MMP8: variants seen among roughly 807,000 people sequenced by gnomAD.
MMP8 encodes neutrophil collagenase.
Under a neutral mutation model 51.2 loss-of-function variants are expected in MMP8, and 67 were observed. The ratio of observed to expected loss-of-function variants is 1.31; its 90% CI spans 1.08 to 1.60. The LOEUF (loss-of-function observed/expected upper bound fraction) is 1.60, where lower values mean the gene tolerates loss of function less well. Ranked by LOEUF, MMP8 falls within the 40% of genes most tolerant of loss-of-function variation. MMP8 has a pLI of 0.00. For synonymous variants in MMP8, 225 were observed against 191.0 expected (o/e 1.18, Z -1.47); for missense variants, 654 against 558.1 (o/e 1.17, Z -1.73).
chr11:102,713,968 A>G (rs930224454), intron 8 of MMP8, 111 bp from the exon 9 acceptor site: 3 of 634,126 alleles, frequency 4.7e-6, no homozygotes, highest in African/African-American at 3.8e-5. Context: ...TTTTTCATTC[A>G]GTTCTCACAA....
chr11:102,719,777 T>G (rs1228197004), intron 4 of MMP8, among the ~76,000 whole-genome samples: 1 of 152,234 alleles, frequency 6.6e-6, no homozygotes. Flanking sequence ...TTTGTTGTGG[T>G]TCTCTGCTCT....
At position 102,716,341 on chromosome 11, in the gene MMP8, A is replaced by G. The variant is rs1454342378; in HGVS notation, c.863T>C (p.Ile288Thr). The G allele has an allele frequency of 6.4e-7, 1 of 1,571,170 alleles. No homozygotes were observed. The highest frequency in any genetic ancestry group is 8.7e-7 in the Non-Finnish European group (1 of 1,153,418). Reference protein sequence around the residue: ...PCDPSLTFDAITTLRGEILFF... With the variant: ...PCDPSLTFDATTTLRGEILFF... ...AAGTATTTCTCCACGGAGTGTGGTG[A>G]TAGCATCAAATGTCAAACTGGGGTC... Residue 288 changes from isoleucine to threonine, a missense_variant, in exon 6 of 10, where the codon ATC (isoleucine) becomes ACC (threonine). By Grantham distance (89) the Ile-to-Thr change is moderately conservative. Transcript: ENST00000236826.
Position 102,722,484 on chromosome 11 carries a change from C to A in MMP8, c.292G>T (p.Gly98Cys). The A allele has an allele frequency of 6.2e-7, 1 of 1,613,830 alleles. No individual in the cohort carries two copies. Among genetic ancestry groups the A allele is most frequent in the Non-Finnish European group, 8.5e-7 (1 of 1,179,810 alleles). Reference protein sequence around the residue: ...KPRCGVPDSGGFMLTPGNPKW... With the variant: ...KPRCGVPDSGCFMLTPGNPKW... ...GGGTTTCCTGGGGTTAACATAAAAC[C>A]ACCACTGTCAGGCACTCCACAGCGA... Residue 98 changes from glycine (G) to cysteine (C), a missense_variant, in exon 2 of 10, where the codon GGT (glycine) becomes TGT (cysteine). Gly to Cys is a radical substitution (Grantham distance 159). Transcript: ENST00000236826.
At chr11:102,720,180 A>C (rs1299500478) in intron 4 of MMP8, among the ~76,000 whole-genome samples, 1 of 152,244 alleles carries the variant, frequency 6.6e-6, no homozygotes, top group Non-Finnish European at 1.5e-5. Flanking sequence ...TTCAATACCA[A>C]GTGGAAGTAT....
At position 102,720,854 on chromosome 11, in the gene MMP8, C is replaced by T. The variant is rs563649135; in HGVS notation, c.622+547G>A. Among the ~76,000 whole-genome samples, 16 of 151,432 alleles carry T rather than the reference C, an allele frequency of 1.1e-4. No individual in the cohort carries two copies. The South Asian group carries it at 2.5e-3, about 24-fold the overall frequency. ...AATTTCCAAAAAATGGAAAAATAGGCTAATTTCTAATTATAGAAATTATAA... is the reference window on the plus strand; with the variant it reads ...AATTTCCAAAAAATGGAAAAATAGGTTAATTTCTAATTATAGAAATTATAA... On this transcript the variant is annotated intron_variant, in intron 4 of 9. Coordinates refer to ENST00000236826, the MANE Select transcript of MMP8 (RefSeq NM_002424.3).
rs1861150997 is a variant in MMP8, at chr11:102,712,413, G to C, written c.*935C>G. The C allele has an allele frequency of 6.6e-6, 1 of 152,140 alleles. No homozygotes were observed. The highest frequency in any genetic ancestry group is 1.5e-5 in the Non-Finnish European group (1 of 68,020). 9.4% of individuals were successfully genotyped at this position (152,140 alleles called of 1,614,324 possible). ...ACTGTGTCTAGTACCTCATGTCTAGGGTTGCTGTAACAAAGTATTGCAAAG... is the reference window on the plus strand; with the variant it reads ...ACTGTGTCTAGTACCTCATGTCTAGCGTTGCTGTAACAAAGTATTGCAAAG... On this transcript the variant is annotated 3_prime_UTR_variant, in exon 10 of 10. Transcript: ENST00000236826.
intron 2 of MMP8, 57 bp downstream of exon 2, chr11:102,722,372 T>A (rs1349221786): frequency 6.4e-7 from 1 of 1,569,968 alleles, no homozygotes; most frequent in African/African-American, 1.4e-5. Flanking sequence ...GTCTGTCATA[T>A]AAGAGCCCAG....
chr11:102,722,043 C>T (rs1417029378), intron 2 of MMP8, among the ~76,000 whole-genome samples: 1 of 152,120 alleles, frequency 6.6e-6, no homozygotes, highest in Non-Finnish European at 1.5e-5. Context: ...GCATTTAGTT[C>T]ATTACTTGTC....
In MMP8 at chr11:102,712,527, G is replaced by C. The variant is rs969459369; in HGVS notation, c.*821C>G. 2.0e-5 allele frequency: 3 copies of C among 152,190 alleles called. No individual in the cohort carries two copies. Among genetic ancestry groups the C allele is most frequent in the Non-Finnish European group, 4.4e-5 (3 of 68,040 alleles). 9.4% of individuals were successfully genotyped at this position (152,190 alleles called of 1,614,324 possible). A position where few individuals can be genotyped will look rare whatever the true frequency, so the allele number is the denominator to read the frequency against. On this transcript the variant is annotated 3_prime_UTR_variant, in exon 10 of 10. Transcript: ENST00000236826. ...TGCAGGTGTCAGCAGGGTCACACTTGAAGGCTATTGGAGGGAATCCTTCCT... is the reference window on the plus strand; with the variant it reads ...TGCAGGTGTCAGCAGGGTCACACTTCAAGGCTATTGGAGGGAATCCTTCCT...
chr11:102,722,986 C>G (rs1374529486), intron 1 of MMP8: 12 of 1,317,370 alleles, frequency 9.1e-6, no homozygotes, highest in Non-Finnish European at 1.2e-5. Context: ...AAAATTAGGA[C>G]TAACATTAAT....
intron 8 of MMP8, among the ~76,000 whole-genome samples, chr11:102,714,235 G>C (rs1861213567): frequency 6.6e-6 from 1 of 152,140 alleles, no homozygotes; most frequent in Non-Finnish European, 1.5e-5. Flanking sequence ...GATAACATTT[G>C]CTTGCATATG....
At chr11:102,722,772 C>T in intron 1 of MMP8, 99 bp from the exon 2 acceptor site, 1 of 1,492,094 alleles carries the variant, frequency 6.7e-7, no homozygotes, top group Non-Finnish European at 9.0e-7. Flanking sequence ...GGTCTGATAA[C>T]TTGACAGCCA....
chr11:102,722,850 T>G, intron 1 of MMP8, 177 bp from the exon 2 acceptor site: 1 of 1,073,274 alleles, frequency 9.3e-7, no homozygotes, highest in Non-Finnish European at 1.3e-6. Flanking sequence ...GAAAGAACAG[T>G]TCCTCCACTC....
chr11:102,716,582 T>C (rs1861306263), intron 5 of MMP8, among the ~76,000 whole-genome samples, 163 bp from the exon 6 acceptor site: 1 of 152,204 alleles, frequency 6.6e-6, no homozygotes, highest in Admixed American at 6.5e-5. Flanking sequence ...GTATATTTCA[T>C]CCTTTTAAAG....
At chr11:102,722,000 A>G (rs928417649) in intron 2 of MMP8, among the ~76,000 whole-genome samples, 1 of 152,138 alleles carries the variant, frequency 6.6e-6, no homozygotes, top group Non-Finnish European at 1.5e-5. Context: ...TATCCCTCTC[A>G]TAGGGCTGCC....
chr11:102,716,301 C>T lies in MMP8; in HGVS notation c.902+1G>A. Reference sequence around the variant, plus strand: ...AAGGAAGAAATATTTCAATTTTATACCTGTCTTTAAAGAAAAGTATTTCTC... The same window carrying T: ...AAGGAAGAAATATTTCAATTTTATATCTGTCTTTAAAGAAAAGTATTTCTC... On this transcript the variant is annotated splice_donor_variant, in intron 6 of 9. Transcript: ENST00000236826. LOFTEE classifies it high-confidence loss of function. 6.4e-7 allele frequency: 1 copy of T among 1,564,340 alleles called. No individual in the cohort carries two copies. The highest frequency in any genetic ancestry group is 8.7e-7 in the Non-Finnish European group (1 of 1,144,314).
At position 102,713,458 on chromosome 11, in the gene MMP8, C is replaced by A. The variant is rs764610177; in HGVS notation, c.1295-1G>T. ...GGTCCACTGAAGACATGGAAGAAAT[C>A]TATAAAAAAAGAGAGATAATTTATT... is the stretch of plus-strand genomic sequence containing the variant. On this transcript the variant is annotated splice_acceptor_variant, in intron 9 of 9. Coordinates refer to ENST00000236826, the MANE Select transcript of MMP8 (RefSeq NM_002424.3). LOFTEE classifies it high-confidence loss of function. 2.9e-5 allele frequency: 47 copies of A among 1,600,884 alleles called. No homozygotes were observed. Among genetic ancestry groups the A allele is most frequent in the Middle Eastern group, 1.7e-4 (1 of 6,022 alleles).
At chr11:102,718,838 C>T (rs1212979056) in intron 4 of MMP8, among the ~76,000 whole-genome samples, 1 of 152,190 alleles carries the variant, frequency 6.6e-6, no homozygotes, top group Non-Finnish European at 1.5e-5. Flanking sequence ...CCAATTCTCA[C>T]ATTTTACAAA....
intron 4 of MMP8, among the ~76,000 whole-genome samples, chr11:102,719,189 C>T (rs762779130): frequency 3.3e-5 from 5 of 152,120 alleles, no homozygotes; most frequent in Non-Finnish European, 2.9e-5. Flanking sequence ...AGCATAGTGC[C>T]GTTCACAACT....
Sources: gnomAD v4.1 joint callset for allele counts (sites outside exome capture counted in the v4.1 genomes callset) on GRCh38, gnomAD v4.1.1 for gene constraint, MANE v1.5 for transcripts, NCBI Gene and HGNC (gene_info 2026-07-23, HGNC 2026-07-21) for gene names.